ECE2: variants seen among roughly 807,000 people sequenced by gnomAD.
The protein encoded by ECE2 is endothelin converting enzyme 2, also known as endothelin-converting enzyme 2.
A neutral mutation model predicts 100.6 loss-of-function variants in ECE2; 81 were observed. That is an observed-to-expected ratio of 0.81 (90% CI 0.67 to 0.97). ECE2 has a LOEUF of 0.97. Among genes scored for constraint, ECE2 ranks in the 50% least tolerant of loss-of-function variants. The probability of loss-of-function intolerance (pLI) is 0.00; values close to 1 mark genes in which losing one functional copy is unlikely to be tolerated. For missense variants in ECE2, 911 were observed against 988.1 expected, an observed-to-expected ratio of 0.92 and a Z score of 1.05; for synonymous variants, 391 against 391.5, an observed-to-expected ratio of 1.00 and a Z score of 0.02.
At chr3:184,282,031 G>A (rs554913518) in intron 7 of ECE2, among the ~76,000 whole-genome samples, 62 of 151,964 alleles carry the variant, frequency 4.1e-4, no homozygotes, top group African/African-American at 1.4e-3. Context: ...CCCGGGAGGC[G>A]GAGGTTGCAG....
At position 184,290,845 on chromosome 3, in the gene ECE2, G is replaced by C; in HGVS notation, c.1819G>C (p.Ala607Pro). Residue 607 changes from alanine to proline, a missense_variant, in exon 16 of 19, where the codon GCC becomes CCC. Transcript: ENST00000404464. ...GVVMGHELTH[A>P]FDDQGREYDK... Reference sequence around the variant, plus strand: ...GGTCATGGGCCATGAGTTGACGCATGCCTTTGATGACCAAGGTAGGGGCCC... The same window carrying C: ...GGTCATGGGCCATGAGTTGACGCATCCCTTTGATGACCAAGGTAGGGGCCC... The C allele has an allele frequency of 6.2e-7, 1 of 1,614,190 alleles. No homozygotes were observed. The highest frequency in any genetic ancestry group is 8.5e-7 in the Non-Finnish European group (1 of 1,180,030).
chr3:184,276,424 C>T (rs1720551370), intron 1 of ECE2, 57 bp from the exon 2 acceptor site: 3 of 1,559,098 alleles, frequency 1.9e-6, no homozygotes, highest in Admixed American at 1.9e-5. Flanking sequence ...GGGGCAGGGT[C>T]GTGGGCAAAT....
chr3:184,277,082 A>G (rs1444899608), intron 3 of ECE2, 55 bp downstream of exon 3: 16 of 1,608,528 alleles, frequency 9.9e-6, no homozygotes, highest in Admixed American at 3.4e-5. Flanking sequence ...CTGGAGGCCT[A>G]AGGGCCTCTA....
intron 7 of ECE2, 23 bp from the exon 8 acceptor site, chr3:184,283,762 G>A: frequency 6.2e-7 from 1 of 1,610,454 alleles, no homozygotes; most frequent in Non-Finnish European, 8.5e-7. Flanking sequence ...GCTGGGCTCT[G>A]AGGATCACCC....
chr3:184,286,484 G>A (rs537862859), intron 10 of ECE2, among the ~76,000 whole-genome samples: 3 of 152,214 alleles, frequency 2.0e-5, no homozygotes, highest in East Asian at 3.9e-4. Flanking sequence ...GCGGGGATGA[G>A]AATGGAGTCA....
chr3:184,287,738 C>T, intron 10 of ECE2, 99 bp from the exon 11 acceptor site: 1 of 1,062,648 alleles, frequency 9.4e-7, no homozygotes, highest in Non-Finnish European at 1.4e-6. Context: ...GGACTCTTGT[C>T]CAGAGCTGAG....
At chr3:184,279,365 T>C (rs573014189) in intron 7 of ECE2, among the ~76,000 whole-genome samples, 23 of 138,686 alleles carry the variant, frequency 1.7e-4, no homozygotes, top group Non-Finnish European at 3.0e-4. Context: ...TAAACAAAAG[T>C]GTTGATGAGG....
Position 184,291,491 on chromosome 3 carries a change from T to A in ECE2, c.2121+52T>A, listed in dbSNP as rs746262215. 1.4e-6 allele frequency: 2 copies of A among 1,467,952 alleles called. No individual in the cohort carries two copies. Among genetic ancestry groups the A allele is most frequent in the Admixed American group, 4.6e-5 (2 of 43,174 alleles). The allele number at this position is 1,467,952 out of a possible 1,614,324, so 90.9% of individuals were successfully genotyped here. On this transcript the variant is annotated intron_variant, in intron 18 of 18. Transcript: ENST00000404464. This position sits in a 1 kb window ranked among gnomAD's most constrained non-coding sequence, Gnocchi z 4.1. Reference sequence around the variant, plus strand: ...TCTGCCCCTTTGTCCTGCTCCCTCCTGAGTATGTCATTAGGAGAACTCTGG... The same window carrying A: ...TCTGCCCCTTTGTCCTGCTCCCTCCAGAGTATGTCATTAGGAGAACTCTGG...
chr3:184,291,091 C>T lies in ECE2; in HGVS notation c.1886C>T (p.Ser629Phe). Residue 629 changes from serine (S) to phenylalanine (F), a missense_variant, in exon 17 of 19, where the codon TCC becomes TTC. Ser to Phe is a radical substitution (Grantham distance 155, BLOSUM62 -2). Coordinates refer to ENST00000404464, the MANE Select transcript of ECE2 (RefSeq NM_001100121.2). The surrounding 1 kb of genome is among the most constrained non-coding windows in gnomAD (Gnocchi z 4.1). ...CTGCGGCCCTGGTGGCAGAATGAGT[C>T]CCTGGCAGCCTTCCGGAACCACACG... Reference protein sequence around the residue: ...GNLRPWWQNESLAAFRNHTAC... With the variant: ...GNLRPWWQNEFLAAFRNHTAC... The T allele has an allele frequency of 6.3e-7, 1 of 1,597,262 alleles. No homozygotes were observed. The highest frequency in any genetic ancestry group is 8.5e-7 in the Non-Finnish European group (1 of 1,170,334).
Position 184,291,440 on chromosome 3 carries a change from G to A in ECE2, c.2121+1G>A. On this transcript the variant is annotated splice_donor_variant, in intron 18 of 18. Coordinates refer to ENST00000404464, the MANE Select transcript of ECE2 (RefSeq NM_001100121.2). LOFTEE classifies it high-confidence loss of function. This position sits in a 1 kb window ranked among gnomAD's most constrained non-coding sequence, Gnocchi z 4.1. ...GCTCTTCTTCGTGGGATTTGCCCAG[G>A]TATCACCCTCTCGGAAGGCCTGGGG... 1.3e-6 allele frequency: 2 copies of A among 1,579,890 alleles called. No homozygotes were observed. Among genetic ancestry groups the A allele is most frequent in the African/African-American group, 1.3e-5 (1 of 74,268 alleles).
At chr3:184,286,534 G>A (rs1721040818) in intron 10 of ECE2, among the ~76,000 whole-genome samples, 1 of 152,156 alleles carries the variant, frequency 6.6e-6, no homozygotes, top group South Asian at 2.1e-4. Flanking sequence ...CAGGCTTGGT[G>A]GCTCATGCCT....
chr3:184,289,341 C>T lies in ECE2; in HGVS notation c.1375-96C>T. 8.8e-7 allele frequency: 1 copy of T among 1,132,522 alleles called. No individual in the cohort carries two copies. Among genetic ancestry groups the T allele is most frequent in the South Asian group, 1.3e-5 (1 of 74,266 alleles). 70.2% of individuals were successfully genotyped at this position (1,132,522 alleles called of 1,614,324 possible). On this transcript the variant is annotated intron_variant, in intron 11 of 18. Coordinates refer to ENST00000404464, the MANE Select transcript of ECE2 (RefSeq NM_001100121.2). The surrounding 1 kb of genome is among the most constrained non-coding windows in gnomAD (Gnocchi z 4.1). ...TTCTTTAGTCTAGACGTTCCCATTT[C>T]CCCTGGGTGGACAGGGATGGGGCAC...
intron 7 of ECE2, among the ~76,000 whole-genome samples, chr3:184,279,831 C>T (rs1720744488): frequency 6.6e-6 from 1 of 151,978 alleles, no homozygotes; most frequent in Non-Finnish European, 1.5e-5. Flanking sequence ...TCTGTAGCTC[C>T]CGGAGAGCCA....
chr3:184,284,116 C>G (rs1358206809), intron 8 of ECE2, 143 bp downstream of exon 8: 1 of 1,049,912 alleles, frequency 9.5e-7, no homozygotes, highest in Non-Finnish European at 1.4e-6. Flanking sequence ...TGCACTGCTG[C>G]TGTCCTGGGG....
chr3:184,290,445 C>T, intron 14 of ECE2, 87 bp downstream of exon 14: 1 of 1,560,066 alleles, frequency 6.4e-7, no homozygotes, highest in East Asian at 2.2e-5. Context: ...GGTGGCAAGA[C>T]TGGTCCCAGA....
At chr3:184,284,269 A>G (rs1233376375) in intron 8 of ECE2, among the ~76,000 whole-genome samples, 1 of 152,130 alleles carries the variant, frequency 6.6e-6, no homozygotes, top group Non-Finnish European at 1.5e-5. Context: ...TAGGCTGGGC[A>G]TGGTGGCTGA....
rs1560181090 is a variant in ECE2 at position 184,277,583 on chromosome 3, C to T, written c.478+117C>T. ...ATGAGGAAGTGGATGGTTCTGTGAACACTCCAGAGGGTGGGGAGGCAGAGA... is the reference window on the plus strand; with the variant it reads ...ATGAGGAAGTGGATGGTTCTGTGAATACTCCAGAGGGTGGGGAGGCAGAGA... On this transcript the variant is annotated intron_variant, in intron 4 of 18. Transcript: ENST00000404464. The T allele has an allele frequency of 4.3e-6, 5 of 1,168,810 alleles. No individual in the cohort carries two copies. In the South Asian group the frequency reaches 5.8e-5, roughly 14 times the overall value. The allele number at this position is 1,168,810 out of a possible 1,614,324, so 72.4% of individuals were successfully genotyped here.
chr3:184,282,142 G>A (rs998418106), intron 7 of ECE2, among the ~76,000 whole-genome samples: 2 of 152,140 alleles, frequency 1.3e-5, no homozygotes, highest in African/African-American at 4.8e-5. Context: ...CAGGGTTCAG[G>A]AGAGTCTCAA....
At chr3:184,290,029 C>T (rs1411752913) in intron 13 of ECE2, among the ~76,000 whole-genome samples, 1 of 152,154 alleles carries the variant, frequency 6.6e-6, no homozygotes, top group African/African-American at 2.4e-5. Context: ...GGGGGTCCTA[C>T]TAGTGCCTTC....
Sources: gnomAD v4.1 joint callset for allele counts (sites outside exome capture counted in the v4.1 genomes callset) on GRCh38, gnomAD v4.1.1 for gene constraint, Gnocchi (gnomAD v3.1) non-coding constraint, MANE v1.5 for transcripts, NCBI Gene and HGNC (gene_info 2026-07-23, HGNC 2026-07-21) for gene names.